The following PIK3CA variants were observed in gnomAD, a reference collection of about 807,000 sequenced individuals.
PIK3CA encodes the protein phosphatidylinositol-4,5-bisphosphate 3-kinase catalytic subunit alpha.
Under a neutral mutation model 138.2 loss-of-function variants are expected in PIK3CA, and 27 were observed. The observed-to-expected ratio is 0.20, with a 90% confidence interval of 0.14 to 0.27. PIK3CA has a LOEUF of 0.27. Ranked by LOEUF, PIK3CA falls within the 10% of genes least tolerant of loss-of-function variation. The pLI is 1.00. For missense variants in PIK3CA, 544 were observed against 1,277.4 expected (o/e 0.43, Z 8.75); for synonymous variants, 358 against 413.2 (o/e 0.87, Z 1.62).
intron 1 of PIK3CA, among the ~76,000 whole-genome samples, chr3:179,190,119 A>G (rs1724090532): frequency 6.6e-6 from 1 of 152,044 alleles, no homozygotes. Flanking sequence ...CTCAAATCCA[A>G]ATGGTCTCTT....
chr3:179,232,406 AGTTC>A (rs778439952), intron 20 of PIK3CA, among the ~76,000 whole-genome samples: 10 of 152,126 alleles, frequency 6.6e-5, no homozygotes, highest in Middle Eastern at 3.2e-3. Context: ...GTCTAAGATC[AGTTC>A]GTTGTAAGTT....
rs1245324250 is a variant in PIK3CA, at chr3:179,235,212, C to A, written c.*848C>A. On this transcript the variant is annotated 3_prime_UTR_variant, in exon 21 of 21. Coordinates refer to ENST00000263967, the MANE Select transcript of PIK3CA (RefSeq NM_006218.4). ...TATTCACCTTAAGTTGATTTTTTTTCTCCTTCTGCAATTGAACTGAATACA... is the reference window on the plus strand; with the variant it reads ...TATTCACCTTAAGTTGATTTTTTTTATCCTTCTGCAATTGAACTGAATACA... 3 of 182,148 alleles carry A rather than the reference C, an allele frequency of 1.6e-5. No individual in the cohort carries two copies. The highest frequency in any genetic ancestry group is 7.1e-5 in the African/African-American group (3 of 42,202). The allele number at this position is 182,148 out of a possible 1,614,324, so 11.3% of individuals were successfully genotyped here.
Position 179,198,821 on chromosome 3 carries a change from G to T in PIK3CA, c.-5G>T, listed in dbSNP as rs1187441418. ...TATATGTAAAACTTGCAAAGAATCA[G>T]AACAATGCCTCCACGACCATCATCA... On this transcript the variant is annotated 5_prime_UTR_variant, in exon 2 of 21. Coordinates refer to ENST00000263967, the MANE Select transcript of PIK3CA (RefSeq NM_006218.4). 4.0e-6 allele frequency: 6 copies of T among 1,500,714 alleles called. No individual in the cohort carries two copies. The highest frequency in any genetic ancestry group is 5.4e-6 in the Non-Finnish European group (6 of 1,118,760). The allele number at this position is 1,500,714 out of a possible 1,614,324, so 93.0% of individuals were successfully genotyped here.
chr3:179,175,810 C>G (rs529033210), intron 1 of PIK3CA, among the ~76,000 whole-genome samples: 2 of 151,652 alleles, frequency 1.3e-5, no homozygotes, highest in African/African-American at 4.8e-5. Flanking sequence ...TTTCCTCTGT[C>G]CCATCATTCT....
At chr3:179,204,396 G>A (rs1299943491) in intron 5 of PIK3CA, 107 bp from the exon 6 acceptor site, 4 of 553,680 alleles carry the variant, frequency 7.2e-6, no homozygotes, top group Non-Finnish European at 1.0e-5. Context: ...GGAGAACCAA[G>A]CTATATCTGA....
At chr3:179,191,679 C>T (rs1435081707) in intron 1 of PIK3CA, among the ~76,000 whole-genome samples, 2 of 152,204 alleles carry the variant, frequency 1.3e-5, no homozygotes, top group South Asian at 2.1e-4. Flanking sequence ...TCTTGTTGCC[C>T]AGGCTAGAGT....
chr3:179,153,549 T>C, intron 1 of PIK3CA, among the ~76,000 whole-genome samples: 1 of 152,182 alleles, frequency 6.6e-6, no homozygotes, highest in East Asian at 1.9e-4. Flanking sequence ...GTGTATAAGG[T>C]GTATGTGAAA....
At position 179,239,131 on chromosome 3, in the gene PIK3CA, G is replaced by A. The variant is rs1431542771; in HGVS notation, c.*4767G>A. On this transcript the variant is annotated 3_prime_UTR_variant, in exon 21 of 21. Coordinates refer to ENST00000263967, the MANE Select transcript of PIK3CA (RefSeq NM_006218.4). ...ATTAGTCCCTTGTGCGTATACAGTA[G>A]TTAGGTAAATGATTTTTCTACCAAC... The A allele has an allele frequency of 4.7e-6, 1 of 213,722 alleles. No homozygotes were observed. Among genetic ancestry groups the A allele is most frequent in the African/African-American group, 2.3e-5 (1 of 44,218 alleles). The allele number at this position is 213,722 out of a possible 1,614,324, so 13.2% of individuals were successfully genotyped here. A position where few individuals can be genotyped will look rare whatever the true frequency, so the allele number is the denominator to read the frequency against.
intron 6 of PIK3CA, among the ~76,000 whole-genome samples, chr3:179,206,918 CAAA>C (rs538878817): frequency 1.9e-4 from 11 of 58,332 alleles, no homozygotes; most frequent in Non-Finnish European, 1.5e-4. Context: ...GACCCCGACT[CAAA>C]AAAAAAAAAA....
At chr3:179,191,760 C>T (rs1248355548) in intron 1 of PIK3CA, among the ~76,000 whole-genome samples, 1 of 152,082 alleles carries the variant, frequency 6.6e-6, no homozygotes, top group Non-Finnish European at 1.5e-5. Flanking sequence ...CCTCAGCCTC[C>T]CAAGTAGCTG....
intron 9 of PIK3CA, among the ~76,000 whole-genome samples, chr3:179,212,015 T>C (rs914023822): frequency 7.9e-5 from 12 of 152,058 alleles, no homozygotes; most frequent in African/African-American, 2.9e-4. Context: ...TTGTTTGTTT[T>C]TGTTTTTTTG....
chr3:179,171,620 A>C (rs1186561785), intron 1 of PIK3CA, among the ~76,000 whole-genome samples: 3 of 152,154 alleles, frequency 2.0e-5, no homozygotes, highest in Non-Finnish European at 4.4e-5. Flanking sequence ...AGTTTACAAC[A>C]ACCAATTTGG....
chr3:179,238,698 C>T lies in PIK3CA; in HGVS notation c.*4334C>T, dbSNP rs1340040143. 3 of 226,856 alleles carry T rather than the reference C, an allele frequency of 1.3e-5. No homozygotes were observed. 14.1% of individuals were successfully genotyped at this position (226,856 alleles called of 1,614,324 possible). ...AGTTTGAGGAGGTTCCCGAATTCGG[C>T]ATTTGAAATTCATTTTGTTCTCTCT... On this transcript the variant is annotated 3_prime_UTR_variant, in exon 21 of 21. Transcript: ENST00000263967.
At chr3:179,212,618 CAA>C (rs1411336209) in intron 9 of PIK3CA, among the ~76,000 whole-genome samples, 10 of 151,708 alleles carry the variant, frequency 6.6e-5, no homozygotes, top group African/African-American at 1.9e-4. Context: ...AAACAAAAAA[CAA>C]GAGAGAGATG....
intron 1 of PIK3CA, among the ~76,000 whole-genome samples, chr3:179,163,557 A>C (rs866241410): frequency 1.3e-5 from 2 of 152,132 alleles, no homozygotes; most frequent in Admixed American, 1.3e-4. Context: ...CAAGTGAACA[A>C]ATTAAAAGAT....
chr3:179,188,813 C>T (rs1724055260), intron 1 of PIK3CA, among the ~76,000 whole-genome samples: 2 of 152,212 alleles, frequency 1.3e-5, no homozygotes, highest in African/African-American at 2.4e-5. Context: ...TGCCTTTTCT[C>T]ATAATCCTAT....
At position 179,210,419 on chromosome 3, in the gene PIK3CA, T is replaced by C. The variant is rs747847214; in HGVS notation, c.1405-12T>C. ...CTTATGTATATATAATAGCTTTTCTTCCATCTCTTAGGAAACTCCATGCTT... is the reference window on the plus strand; with the variant it reads ...CTTATGTATATATAATAGCTTTTCTCCCATCTCTTAGGAAACTCCATGCTT... On this transcript the variant is annotated splice_polypyrimidine_tract_variant and intron_variant, in intron 8 of 20. Coordinates refer to ENST00000263967, the MANE Select transcript of PIK3CA (RefSeq NM_006218.4). 1.3e-5 allele frequency: 21 copies of C among 1,609,992 alleles called. No homozygotes were observed. In the Admixed American group the frequency reaches 2.7e-4, roughly 21 times the overall value.
At chr3:179,202,066 T>C (rs1724425613) in intron 4 of PIK3CA, among the ~76,000 whole-genome samples, 1 of 152,104 alleles carries the variant, frequency 6.6e-6, no homozygotes, top group Non-Finnish European at 1.5e-5. Context: ...GTTTTTGTTG[T>C]TGTTTGTTTG....
At chr3:179,198,501 T>C (rs540861515) in intron 1 of PIK3CA, among the ~76,000 whole-genome samples, 32 of 152,344 alleles carry the variant, frequency 2.1e-4, no homozygotes, top group African/African-American at 6.0e-4. Flanking sequence ...CACTCAAATA[T>C]AGTGTTTTCT....
Sources: gnomAD v4.1 joint callset for allele counts (sites outside exome capture counted in the v4.1 genomes callset) on GRCh38, gnomAD v4.1.1 for gene constraint, MANE v1.5 for transcripts, NCBI Gene and HGNC (gene_info 2026-07-23, HGNC 2026-07-21) for gene names.